The following FOXP1 variants were observed in gnomAD, a reference collection of about 807,000 sequenced individuals.
FOXP1 encodes forkhead box protein P1.
In FOXP1, 15 loss-of-function variants were observed where a neutral mutation model predicts 98.2. That is an observed-to-expected ratio of 0.15 (90% CI 0.10 to 0.24). The LOEUF (loss-of-function observed/expected upper bound fraction) is 0.24, where lower values mean the gene tolerates loss of function less well. Ranked by LOEUF, FOXP1 falls within the 10% of genes least tolerant of loss-of-function variation. The pLI is 1.00. For missense variants in FOXP1, 633 were observed against 848.5 expected, an observed-to-expected ratio of 0.75 and a Z score of 3.15; for synonymous variants, 371 against 314.5, an observed-to-expected ratio of 1.18 and a Z score of -1.90.
At chr3:71,148,712 A>G (rs2060436172) in intron 6 of FOXP1, among the ~76,000 whole-genome samples, 1 of 152,178 alleles carries the variant, frequency 6.6e-6, no homozygotes, top group Non-Finnish European at 1.5e-5. Flanking sequence ...ATTTATGACA[A>G]TTTGGTGAGA....
chr3:71,280,623 C>G (rs1052880402), intron 5 of FOXP1, among the ~76,000 whole-genome samples: 1 of 152,092 alleles, frequency 6.6e-6, no homozygotes, highest in African/African-American at 2.4e-5. Context: ...CATGCCCAGC[C>G]TACAATATCT....
chr3:71,443,142 C>T (rs563348459), intron 3 of FOXP1, among the ~76,000 whole-genome samples: 1 of 152,328 alleles, frequency 6.6e-6, no homozygotes, highest in African/African-American at 2.4e-5. Flanking sequence ...GATCCACCCG[C>T]CTCGGCCTCC....
intron 6 of FOXP1, among the ~76,000 whole-genome samples, chr3:71,126,724 C>T (rs576009618): frequency 8.6e-5 from 13 of 151,112 alleles, no homozygotes; most frequent in Non-Finnish European, 1.8e-4. Context: ...CTTAGGAGGA[C>T]GATGCATGAG....
At chr3:71,249,965 C>G (rs181048728) in intron 5 of FOXP1, among the ~76,000 whole-genome samples, 13 of 152,086 alleles carry the variant, frequency 8.5e-5, no homozygotes, top group Non-Finnish European at 1.8e-4. Flanking sequence ...TACTTAGCAC[C>G]AATATTATAT....
chr3:71,259,608 T>C (rs2068925863), intron 5 of FOXP1, among the ~76,000 whole-genome samples: 1 of 152,138 alleles, frequency 6.6e-6, no homozygotes, highest in African/African-American at 2.4e-5. Flanking sequence ...ATCGACTGAT[T>C]TTTCATAGAC....
At chr3:71,527,537 C>T (rs755130522) in intron 2 of FOXP1, among the ~76,000 whole-genome samples, 12 of 152,228 alleles carry the variant, frequency 7.9e-5, no homozygotes, top group Non-Finnish European at 1.8e-4. Context: ...AAGCTATAAA[C>T]ACAGCACAAA....
chr3:71,434,893 G>A (rs1163425991), intron 3 of FOXP1, among the ~76,000 whole-genome samples: 1 of 151,846 alleles, frequency 6.6e-6, no homozygotes, highest in African/African-American at 2.4e-5. Context: ...CTTCACCAAG[G>A]AGTCCTGACC....
intron 6 of FOXP1, among the ~76,000 whole-genome samples, chr3:71,122,899 T>C (rs540034610): frequency 2.0e-3 from 312 of 152,310 alleles, no homozygotes; most frequent in African/African-American, 7.1e-3. Context: ...CAAATGGCTA[T>C]GCAGACCTCC....
intron 3 of FOXP1, among the ~76,000 whole-genome samples, chr3:71,459,446 G>T (rs534180556): frequency 1.3e-5 from 2 of 152,298 alleles, no homozygotes; most frequent in East Asian, 3.9e-4. Flanking sequence ...ACTGAAAAAG[G>T]TGTAAAAATT....
chr3:70,965,489 T>C (rs1007483218), intron 20 of FOXP1, among the ~76,000 whole-genome samples: 4 of 152,200 alleles, frequency 2.6e-5, no homozygotes, highest in African/African-American at 4.8e-5. Context: ...TGAACCTTAG[T>C]GCACCACCAA....
chr3:70,957,500 T>C lies in FOXP1; in HGVS notation c.*1747A>G, dbSNP rs1386957016. The stretch of plus-strand genomic sequence containing the variant: ...ATAAAACAGAGAACATAATTTACCT[T>C]TGTGTAATATCTTTGGTAATTTTAG... On this transcript the variant is annotated 3_prime_UTR_variant, in exon 21 of 21. Transcript: ENST00000649528. 1 of 230,518 alleles carries C rather than the reference T, an allele frequency of 4.3e-6. No individual in the cohort carries two copies. The highest frequency in any genetic ancestry group is 8.6e-6 in the Non-Finnish European group (1 of 116,260). The allele number at this position is 230,518 out of a possible 1,614,324, so 14.3% of individuals were successfully genotyped here. A position where few individuals can be genotyped will look rare whatever the true frequency, so the allele number is the denominator to read the frequency against.
intron 2 of FOXP1, among the ~76,000 whole-genome samples, chr3:71,519,044 G>A (rs546671537): frequency 3.3e-5 from 5 of 152,336 alleles, no homozygotes; most frequent in South Asian, 2.1e-4. Flanking sequence ...TCGGGAATTT[G>A]AGACCAGCCT....
intron 2 of FOXP1, among the ~76,000 whole-genome samples, chr3:71,566,085 T>C (rs1448868059): frequency 2.0e-5 from 3 of 152,144 alleles, no homozygotes; most frequent in Non-Finnish European, 4.4e-5. Context: ...CATCCACATC[T>C]CTCACTGACC....
At chr3:71,143,727 C>T (rs1413795786) in intron 6 of FOXP1, among the ~76,000 whole-genome samples, 1 of 152,012 alleles carries the variant, frequency 6.6e-6, no homozygotes, top group Non-Finnish European at 1.5e-5. Flanking sequence ...GACCCCATCT[C>T]TACAAAAAAT....
At chr3:71,582,610 AG>A in intron 1 of FOXP1, 1 of 985,380 alleles carries the variant, frequency 1.0e-6, no homozygotes, top group Non-Finnish European at 1.2e-6. Flanking sequence ...CAAGCTTCAG[AG>A]GGGGGTAAAA....
chr3:70,977,556 A>C, intron 16 of FOXP1, 87 bp downstream of exon 16: 1 of 1,147,226 alleles, frequency 8.7e-7, no homozygotes, highest in South Asian at 1.2e-5. Flanking sequence ...TTGCATACTA[A>C]ACGGTTTTTA....
intron 3 of FOXP1, among the ~76,000 whole-genome samples, chr3:71,362,928 A>G (rs1560372136): frequency 6.6e-6 from 1 of 152,176 alleles, no homozygotes; most frequent in Non-Finnish European, 1.5e-5. Flanking sequence ...TCTACTGTAA[A>G]ACTATACTGC....
At chr3:71,282,761 C>T (rs541366066) in intron 5 of FOXP1, among the ~76,000 whole-genome samples, 10 of 152,262 alleles carry the variant, frequency 6.6e-5, no homozygotes, top group African/African-American at 2.4e-4. Flanking sequence ...TCCTATAAGG[C>T]AGGTCCTTTC....
rs748268189 is a variant in FOXP1 at position 71,565,078 on chromosome 3, G to A, written c.-298+16471C>T. Among the ~76,000 whole-genome samples, 12 of 152,288 alleles carry A rather than the reference G, an allele frequency of 7.9e-5. No homozygotes were observed. The South Asian group carries it at 8.3e-4, about 11-fold the overall frequency. On this transcript the variant is annotated intron_variant, in intron 2 of 20. Transcript: ENST00000649528. ...CGCACCACTGCACTCCAGCCTGGGCGACAGAGCAAGACTTTGTCTCAAAGA... is the reference window on the plus strand; with the variant it reads ...CGCACCACTGCACTCCAGCCTGGGCAACAGAGCAAGACTTTGTCTCAAAGA...
Sources: gnomAD v4.1 joint callset for allele counts (sites outside exome capture counted in the v4.1 genomes callset) on GRCh38, gnomAD v4.1.1 for gene constraint, MANE v1.5 for transcripts, NCBI Gene and HGNC (gene_info 2026-07-23, HGNC 2026-07-21) for gene names.